The following PPM1L variants were observed in gnomAD, a reference collection of about 807,000 sequenced individuals.
The protein encoded by PPM1L is protein phosphatase 1L.
A neutral mutation model predicts 31.4 loss-of-function variants in PPM1L; 13 were observed. The observed-to-expected ratio is 0.41, with a 90% CI of 0.27 to 0.66. PPM1L has a LOEUF of 0.66. Ranked by LOEUF, PPM1L falls within the 30% of genes least tolerant of loss-of-function variation. The probability of loss-of-function intolerance (pLI) is 0.29; values close to 1 mark genes in which losing one functional copy is unlikely to be tolerated. For synonymous variants in PPM1L, 184 were observed against 175.4 expected (o/e 1.05, Z -0.39); for missense variants, 326 against 453.7 (o/e 0.72, Z 2.56).
chr3:160,848,764 C>T (rs1175016678), intron 1 of PPM1L, among the ~76,000 whole-genome samples: 1 of 152,214 alleles, frequency 6.6e-6, no homozygotes. Context: ...TGTTTTATGT[C>T]TAAAATGAAA....
chr3:160,774,884 A>G (rs1711528145), intron 1 of PPM1L, among the ~76,000 whole-genome samples: 1 of 152,164 alleles, frequency 6.6e-6, no homozygotes, highest in South Asian at 2.1e-4. Flanking sequence ...ACCAGGGTTC[A>G]CCTTTCTTGA....
chr3:160,920,473 A>G (rs1049425136), intron 1 of PPM1L, among the ~76,000 whole-genome samples: 3 of 152,188 alleles, frequency 2.0e-5, no homozygotes, highest in East Asian at 1.9e-4. Context: ...TTTCCTGCAC[A>G]TAAGAAGGAC....
intron 1 of PPM1L, among the ~76,000 whole-genome samples, chr3:160,950,503 G>A (rs1205459012): frequency 6.6e-6 from 1 of 152,118 alleles, no homozygotes; most frequent in Non-Finnish European, 1.5e-5. Flanking sequence ...AGGTTTTGAA[G>A]GCACTTCTTA....
At chr3:160,779,391 C>T (rs1257067920) in intron 1 of PPM1L, among the ~76,000 whole-genome samples, 1 of 152,118 alleles carries the variant, frequency 6.6e-6, no homozygotes, top group Non-Finnish European at 1.5e-5. Flanking sequence ...ACTTCTACAC[C>T]CTGAACTTAG....
chr3:160,813,643 A>G (rs1260213128), intron 1 of PPM1L, among the ~76,000 whole-genome samples: 2 of 152,178 alleles, frequency 1.3e-5, no homozygotes, highest in East Asian at 1.9e-4. Flanking sequence ...CCTGGCCTGC[A>G]TTACTTCTAT....
intron 2 of PPM1L, among the ~76,000 whole-genome samples, chr3:160,973,246 G>C (rs1288913076): frequency 6.6e-6 from 1 of 152,186 alleles, no homozygotes; most frequent in Non-Finnish European, 1.5e-5. Context: ...TTTTAATCAA[G>C]TTGTCCTTGT....
intron 1 of PPM1L, among the ~76,000 whole-genome samples, chr3:160,771,867 TG>T (rs201883266): frequency 1.2e-3 from 183 of 151,964 alleles, no homozygotes; most frequent in African/African-American, 4.2e-3. Context: ...ATTTGCTGTT[TG>T]TTTTTTTTTT....
intron 1 of PPM1L, among the ~76,000 whole-genome samples, chr3:160,833,258 G>T (rs960071846): frequency 2.0e-5 from 3 of 152,206 alleles, no homozygotes; most frequent in Non-Finnish European, 4.4e-5. Flanking sequence ...GTAATAGAAT[G>T]ATTTAAATTC....
Position 161,065,524 on chromosome 3 carries a change from G to A in PPM1L, c.696G>A (p.Lys232=), listed in dbSNP as rs780855945. The A allele has an allele frequency of 4.3e-6, 7 of 1,614,062 alleles. No homozygotes were observed. Among genetic ancestry groups the A allele is most frequent in the South Asian group, 3.3e-5 (3 of 91,080 alleles). ...GNAIPLSHDH[K]PYQLKERKRI... is the part of the protein sequence containing the mutation. ...CTATTCCTTTGTCTCATGATCACAAGCCTTACCAGTTGAAGGAAAGAAAGA... is the reference window on the plus strand; with the variant it reads ...CTATTCCTTTGTCTCATGATCACAAACCTTACCAGTTGAAGGAAAGAAAGA... Residue 232 remains lysine (K), a synonymous_variant, in exon 3 of 4, where the codon AAG becomes AAA. Transcript: ENST00000498165.
chr3:160,870,874 A>C (rs780564020), intron 1 of PPM1L, among the ~76,000 whole-genome samples: 6 of 152,222 alleles, frequency 3.9e-5, no homozygotes, highest in Admixed American at 6.5e-5. Flanking sequence ...TGCAATAATA[A>C]TAATAAAAGA....
chr3:160,973,315 C>A (rs1187948640), intron 2 of PPM1L, among the ~76,000 whole-genome samples: 1 of 152,146 alleles, frequency 6.6e-6, no homozygotes, highest in Admixed American at 6.5e-5. Flanking sequence ...ATTACAAGGA[C>A]TAAAGGAAAT....
Position 160,985,591 on chromosome 3 carries a change from C to A in PPM1L, c.574+23681C>A, listed in dbSNP as rs993275284. Among the ~76,000 whole-genome samples, 13 of 152,196 alleles carry A rather than the reference C, an allele frequency of 8.5e-5. No individual in the cohort carries two copies. In the East Asian group the frequency reaches 2.1e-3, roughly 25 times the overall value. On this transcript the variant is annotated intron_variant, in intron 2 of 3. Coordinates refer to ENST00000498165, the MANE Select transcript of PPM1L (RefSeq NM_139245.4). ...CTAATAAGTTCTTTCTTTTTCCAAG[C>A]AAGTGGTGATAAATATTTACTGGTA...
intron 1 of PPM1L, among the ~76,000 whole-genome samples, chr3:160,906,583 A>G (rs564395609): frequency 2.7e-5 from 4 of 147,582 alleles, no homozygotes; most frequent in African/African-American, 1.0e-4. Flanking sequence ...GCCTGACAAC[A>G]GAGTGAGACT....
intron 1 of PPM1L, among the ~76,000 whole-genome samples, chr3:160,952,918 T>A (rs1715619261): frequency 1.3e-5 from 2 of 152,202 alleles, no homozygotes; most frequent in Admixed American, 1.3e-4. Flanking sequence ...TCTTTTCAGA[T>A]TATAATTGTG....
chr3:161,037,581 A>C, intron 2 of PPM1L, among the ~76,000 whole-genome samples: 1 of 119,720 alleles, frequency 8.4e-6, no homozygotes, highest in Admixed American at 8.9e-5. Context: ...TGCCCGGCTA[A>C]TTTTTTTTTT....
At chr3:160,853,614 C>A (rs995860941) in intron 1 of PPM1L, among the ~76,000 whole-genome samples, 2 of 152,018 alleles carry the variant, frequency 1.3e-5, no homozygotes, top group Admixed American at 6.6e-5. Context: ...TATTTATGAT[C>A]ATTTGTTCAC....
intron 1 of PPM1L, among the ~76,000 whole-genome samples, chr3:160,807,341 G>A (rs1712636233): frequency 6.6e-6 from 1 of 152,170 alleles, no homozygotes; most frequent in African/African-American, 2.4e-5. Context: ...AATGTCATAT[G>A]CAATTATTGA....
intron 1 of PPM1L, among the ~76,000 whole-genome samples, chr3:160,916,625 C>G (rs1465474735): frequency 6.6e-6 from 1 of 151,936 alleles, no homozygotes; most frequent in African/African-American, 2.4e-5. Context: ...ACTCTGCAAT[C>G]TACTTAAAAA....
intron 1 of PPM1L, among the ~76,000 whole-genome samples, chr3:160,800,627 G>A (rs1712396276): frequency 6.6e-6 from 1 of 151,994 alleles, no homozygotes; most frequent in African/African-American, 2.4e-5. Context: ...CAAAGTTGTG[G>A]TCATTTTTAT....
Sources: gnomAD v4.1 joint callset for allele counts (sites outside exome capture counted in the v4.1 genomes callset) on GRCh38, gnomAD v4.1.1 for gene constraint, MANE v1.5 for transcripts, NCBI Gene and HGNC (gene_info 2026-07-23, HGNC 2026-07-21) for gene names.